The following EDRF1 variants were observed in gnomAD, a reference collection of about 807,000 sequenced individuals.
EDRF1 encodes erythroid differentiation-related factor 1.
EDRF1 carries 69 observed loss-of-function variants against 148.7 expected under a neutral mutation model. The ratio of observed to expected loss-of-function variants is 0.46; its 90% CI spans 0.38 to 0.57. The LOEUF (loss-of-function observed/expected upper bound fraction) is 0.57. Ranked by LOEUF, EDRF1 falls within the 20% of genes least tolerant of loss-of-function variation. The probability of loss-of-function intolerance (pLI) is 0.00; values close to 1 mark genes in which losing one functional copy is unlikely to be tolerated. For missense variants in EDRF1, 1,118 were observed against 1,478.7 expected (o/e 0.76, Z 4.00); for synonymous variants, 515 against 532.8 (o/e 0.97, Z 0.46).
intron 12 of EDRF1, among the ~76,000 whole-genome samples, chr10:125,735,113 ATAG>A (rs1336827083): frequency 6.6e-6 from 1 of 152,178 alleles, no homozygotes; most frequent in Non-Finnish European, 1.5e-5. Context: ...GAACTGATAA[ATAG>A]TAGAATGGGT....
intron 22 of EDRF1, among the ~76,000 whole-genome samples, chr10:125,752,273 C>A (rs7913350): frequency 6.2e-4 from 95 of 152,334 alleles, no homozygotes; most frequent in Middle Eastern, 3.4e-3. Context: ...TACTGCACAC[C>A]GCACACAATT....
At chr10:125,736,713 T>C (rs1451340366) in intron 13 of EDRF1, among the ~76,000 whole-genome samples, 1 of 151,982 alleles carries the variant, frequency 6.6e-6, no homozygotes, top group Non-Finnish European at 1.5e-5. Context: ...TTTTTTTCTC[T>C]CAAAAGCATC....
intron 19 of EDRF1, chr10:125,747,289 G>A (rs1849408962): frequency 5.7e-6 from 3 of 523,546 alleles, no homozygotes; most frequent in Non-Finnish European, 1.0e-5. Context: ...GAAAGCAGCA[G>A]CACGGATTGG....
At chr10:125,734,276 G>GT in intron 12 of EDRF1, 93 bp downstream of exon 12, 1 of 942,272 alleles carries the variant, frequency 1.1e-6, no homozygotes, top group Non-Finnish European at 1.7e-6. Flanking sequence ...TTCATATTCC[G>GT]TAACTGCCCT....
At chr10:125,722,899 G>T (rs1231902489) in intron 2 of EDRF1, among the ~76,000 whole-genome samples, 169 bp from the exon 3 acceptor site, 1 of 151,194 alleles carries the variant, frequency 6.6e-6, no homozygotes, top group Non-Finnish European at 1.5e-5. Flanking sequence ...GTACCACTAA[G>T]AAAAAAAAAC....
intron 24 of EDRF1, among the ~76,000 whole-genome samples, chr10:125,754,078 G>A (rs1849772405): frequency 6.6e-6 from 1 of 151,956 alleles, no homozygotes; most frequent in African/African-American, 2.4e-5. Flanking sequence ...TAACCGGTAT[G>A]GTGGCGGGCG....
Position 125,763,622 on chromosome 10 carries a change from C to A in EDRF1, c.*150C>A. Reference sequence around the variant, plus strand: ...ACACAGAGTTATTTTAAGTGACAGACAAATTACGGTTGAGTTCTGTGGCTT... The same window carrying A: ...ACACAGAGTTATTTTAAGTGACAGAAAAATTACGGTTGAGTTCTGTGGCTT... On this transcript the variant is annotated 3_prime_UTR_variant, in exon 25 of 25. Transcript: ENST00000356792. This position sits in a 1 kb window ranked among gnomAD's most constrained non-coding sequence, Gnocchi z 4.3. 1.1e-6 allele frequency: 1 copy of A among 921,968 alleles called. No individual in the cohort carries two copies. The highest frequency in any genetic ancestry group is 1.6e-6 in the Non-Finnish European group (1 of 611,294). 57.1% of individuals were successfully genotyped at this position (921,968 alleles called of 1,614,324 possible). A position where few individuals can be genotyped will look rare whatever the true frequency, so the allele number is the denominator to read the frequency against.
At position 125,730,424 on chromosome 10, in the gene EDRF1, ATC is replaced by A. The variant is rs370679928; in HGVS notation, c.1128+30_1128+31del. ...GGTAAGATACAGTGTGATTTTTCTGATCTCTCAAATGCAAATTGGTACAGAGA... is the reference window on the plus strand; with the variant it reads ...GGTAAGATACAGTGTGATTTTTCTGATCTCAAATGCAAATTGGTACAGAGA... On this transcript the variant is annotated intron_variant, in intron 9 of 24. Transcript: ENST00000356792. 2.6e-4 allele frequency: 405 copies of A among 1,571,450 alleles called. 1 individual carries two copies. In the African/African-American group the frequency reaches 4.6e-3, roughly 18 times the overall value.
In EDRF1 at chr10:125,743,101, A is replaced by G. The variant is rs774949957; in HGVS notation, c.2415A>G (p.Gln805=). The G allele has an allele frequency of 1.1e-5, 17 of 1,613,792 alleles. No individual in the cohort carries two copies. Among genetic ancestry groups the G allele is most frequent in the Non-Finnish European group, 1.4e-5 (17 of 1,179,938 alleles). ...ATTTGTCTACAGACTTAGAAAGTCA[A>G]CTCTCTGTTAGTTGTAAATGTTATG... The part of the protein sequence containing the change: ...ATDLSTDLES[Q]LSVSCKCYEA... The change falls in exon 18 of 25, where the codon CAA becomes CAG. Residue 805 remains glutamine (Q), a synonymous_variant. Coordinates refer to ENST00000356792, the MANE Select transcript of EDRF1 (RefSeq NM_001202438.2).
chr10:125,739,972 A>G (rs996190518), intron 15 of EDRF1, among the ~76,000 whole-genome samples: 7 of 152,206 alleles, frequency 4.6e-5, no homozygotes, highest in African/African-American at 1.7e-4. Context: ...AAGATGGGAG[A>G]TAGGAAAAAC....
At chr10:125,722,295 TATCTC>T (rs1481415251) in intron 2 of EDRF1, among the ~76,000 whole-genome samples, 1 of 152,244 alleles carries the variant, frequency 6.6e-6, no homozygotes, top group Admixed American at 6.5e-5. Context: ...TTTATATGCT[TATCTC>T]ATTTAATTCT....
In EDRF1 at chr10:125,725,854, C is replaced by T. The variant is rs1171126131; in HGVS notation, c.792+16C>T. ...TTCCAGTCAGGTTAGTACTTAAATG[C>T]TAATTCTAGAAACTCACATAGGAAA... On this transcript the variant is annotated intron_variant, in intron 6 of 24. Transcript: ENST00000356792. 5 of 1,610,078 alleles carry T rather than the reference C, an allele frequency of 3.1e-6. No homozygotes were observed. The African/African-American group carries it at 6.7e-5, about 22-fold the overall frequency.
intron 22 of EDRF1, among the ~76,000 whole-genome samples, chr10:125,750,947 G>A (rs544481506): frequency 6.6e-6 from 1 of 151,980 alleles, no homozygotes; most frequent in South Asian, 2.1e-4. Flanking sequence ...TTGGGGTTTT[G>A]TTTTTTGTTT....
At chr10:125,761,750 T>C (rs976947689) in intron 24 of EDRF1, among the ~76,000 whole-genome samples, 2 of 152,170 alleles carry the variant, frequency 1.3e-5, no homozygotes, top group African/African-American at 4.8e-5. Flanking sequence ...AATCAAAAGA[T>C]TTTAAGTTTA....
At chr10:125,761,624 G>A (rs1309108017) in intron 24 of EDRF1, among the ~76,000 whole-genome samples, 1 of 152,208 alleles carries the variant, frequency 6.6e-6, no homozygotes, top group Non-Finnish European at 1.5e-5. Flanking sequence ...AGATGATGGA[G>A]CCCTCTGAAT....
intron 24 of EDRF1, chr10:125,761,329 CTT>C (rs1234715009): frequency 4.0e-6 from 1 of 247,116 alleles, no homozygotes; most frequent in African/African-American, 2.3e-5. Context: ...TCTCTTTTCT[CTT>C]TTTGAATTTA....
At chr10:125,749,353 T>A (rs1849531963) in intron 21 of EDRF1, 59 bp from the exon 22 acceptor site, 2 of 1,604,848 alleles carry the variant, frequency 1.2e-6, no homozygotes, top group Admixed American at 1.7e-5. Flanking sequence ...AAGAAGCACT[T>A]AGTGAAGCCT....
In EDRF1 at chr10:125,747,848, T is replaced by C; in HGVS notation, c.2974-15T>C. The C allele has an allele frequency of 6.2e-7, 1 of 1,614,048 alleles. No individual in the cohort carries two copies. Among genetic ancestry groups the C allele is most frequent in the Non-Finnish European group, 8.5e-7 (1 of 1,179,962 alleles). ...TAGAAGCTTATTTTTTTCTTCCCCCTCAAAACAAGAACAGATTGAGAAAGA... is the reference window on the plus strand; with the variant it reads ...TAGAAGCTTATTTTTTTCTTCCCCCCCAAAACAAGAACAGATTGAGAAAGA... On this transcript the variant is annotated splice_polypyrimidine_tract_variant and intron_variant, in intron 20 of 24. Coordinates refer to ENST00000356792, the MANE Select transcript of EDRF1 (RefSeq NM_001202438.2).
intron 24 of EDRF1, among the ~76,000 whole-genome samples, chr10:125,760,374 A>G (rs1850140098): frequency 6.6e-6 from 1 of 152,198 alleles, no homozygotes; most frequent in South Asian, 2.1e-4. Context: ...AGTAATTTTT[A>G]TTTTAATGGA....
Sources: gnomAD v4.1 joint callset for allele counts (sites outside exome capture counted in the v4.1 genomes callset) on GRCh38, gnomAD v4.1.1 for gene constraint, Gnocchi (gnomAD v3.1) non-coding constraint, MANE v1.5 for transcripts, NCBI Gene and HGNC (gene_info 2026-07-23, HGNC 2026-07-21) for gene names.